Variants in PTPRM observed in about 807,000 individuals in gnomAD.
PTPRM encodes the protein receptor-type tyrosine-protein phosphatase mu.
PTPRM carries 47 observed loss-of-function variants against 186.7 expected under a neutral mutation model. The ratio of observed to expected loss-of-function variants is 0.25; its 90% confidence interval spans 0.20 to 0.32. The LOEUF (loss-of-function observed/expected upper bound fraction) is 0.32. PTPRM is among the 10% of genes least tolerant of loss of function. The pLI is 1.00. For missense variants in PTPRM, 1,494 were observed against 1,865.0 expected, an observed-to-expected ratio of 0.80 and a Z score of 3.66; for synonymous variants, 668 against 674.9, an observed-to-expected ratio of 0.99 and a Z score of 0.16.
At chr18:7,754,394 A>G (rs913372995) in intron 1 of PTPRM, among the ~76,000 whole-genome samples, 1 of 152,220 alleles carries the variant, frequency 6.6e-6, no homozygotes, top group Non-Finnish European at 1.5e-5. Context: ...TAAAACAAAT[A>G]TGGACACACA....
chr18:8,073,451 C>A (rs2089613559), intron 8 of PTPRM, among the ~76,000 whole-genome samples: 1 of 152,220 alleles, frequency 6.6e-6, no homozygotes, highest in Non-Finnish European at 1.5e-5. Flanking sequence ...TTATGATGAA[C>A]ATTTTAGTCT....
intron 7 of PTPRM, among the ~76,000 whole-genome samples, chr18:8,039,286 TATA>T (rs1456686809): frequency 6.6e-6 from 1 of 152,108 alleles, no homozygotes; most frequent in Non-Finnish European, 1.5e-5. Flanking sequence ...TCCTCAACAA[TATA>T]ATACTTGTTC....
chr18:8,213,171 G>A (rs1601258860), intron 14 of PTPRM, among the ~76,000 whole-genome samples: 1 of 152,194 alleles, frequency 6.6e-6, no homozygotes, highest in Non-Finnish European at 1.5e-5. Flanking sequence ...TGTTATAGAT[G>A]TTTAATCACA....
At chr18:7,790,905 GT>G (rs202165979) in intron 2 of PTPRM, among the ~76,000 whole-genome samples, 1 of 151,306 alleles carries the variant, frequency 6.6e-6, no homozygotes, top group African/African-American at 2.4e-5. Context: ...ATGAAAGTTG[GT>G]TTTAAAAAAA....
At chr18:8,052,859 C>G (rs1267036316) in intron 7 of PTPRM, among the ~76,000 whole-genome samples, 2 of 152,116 alleles carry the variant, frequency 1.3e-5, no homozygotes, top group African/African-American at 4.8e-5. Context: ...ACCAGACTTT[C>G]TAATTTTTGT....
At chr18:8,271,653 A>G (rs192764541) in intron 19 of PTPRM, among the ~76,000 whole-genome samples, 23 of 151,946 alleles carry the variant, frequency 1.5e-4, no homozygotes, top group Admixed American at 7.9e-4. Context: ...TTAGATTACT[A>G]ATTTTTTTCA....
intron 31 of PTPRM, among the ~76,000 whole-genome samples, chr18:8,391,958 A>G (rs948800193): frequency 2.0e-5 from 3 of 152,366 alleles, no homozygotes; most frequent in African/African-American, 7.2e-5. Context: ...AGAGTTAGAA[A>G]GCAGCATATT....
intron 14 of PTPRM, among the ~76,000 whole-genome samples, chr18:8,216,634 C>A (rs1027115425): frequency 6.6e-6 from 1 of 152,054 alleles, no homozygotes; most frequent in Non-Finnish European, 1.5e-5. Flanking sequence ...CATTTGGTTA[C>A]CCCTTTCAAA....
intron 1 of PTPRM, among the ~76,000 whole-genome samples, chr18:7,712,545 A>T (rs538967139): frequency 1.3e-5 from 2 of 152,224 alleles, no homozygotes; most frequent in East Asian, 2.0e-4. Flanking sequence ...AGTAGGCTTC[A>T]AAAGGTGGGT....
Position 7,949,309 on chromosome 18 carries a change from T to C in PTPRM, c.792T>C (p.Thr264=). ...DAGKYRCMIR[T]EGGVGISNYA... ...GAAAGTACCGCTGCATGATTCGCAC[T>C]GAAGGAGGTGTTGGAATATCAAACT... The change falls in exon 6 of 33, where the codon ACT becomes ACC. Residue 264 remains threonine, a synonymous_variant. Transcript: ENST00000580170. 1 of 1,614,174 alleles carries C rather than the reference T, an allele frequency of 6.2e-7. No homozygotes were observed. Among genetic ancestry groups the C allele is most frequent in the East Asian group, 2.2e-5 (1 of 44,880 alleles).
chr18:7,666,463 C>G (rs2039097728), intron 1 of PTPRM, among the ~76,000 whole-genome samples: 1 of 152,188 alleles, frequency 6.6e-6, no homozygotes, highest in Admixed American at 6.5e-5. Flanking sequence ...ACTGGGGCAC[C>G]CTTATGTCTT....
At chr18:8,247,676 A>G (rs943822445) in intron 15 of PTPRM, among the ~76,000 whole-genome samples, 169 bp from the exon 16 acceptor site, 1 of 152,184 alleles carries the variant, frequency 6.6e-6, no homozygotes, top group Admixed American at 6.5e-5. Context: ...CTAAAGGATA[A>G]GTAAGTACTC....
chr18:7,959,477 G>T (rs760907848), intron 7 of PTPRM, among the ~76,000 whole-genome samples: 1 of 152,150 alleles, frequency 6.6e-6, no homozygotes, highest in African/African-American at 2.4e-5. Flanking sequence ...TTAGCTTCTT[G>T]TATTAAAATG....
At chr18:7,751,655 T>C (rs2041221403) in intron 1 of PTPRM, 1 of 152,188 alleles carries the variant, frequency 6.6e-6, no homozygotes, top group Admixed American at 6.5e-5. Context: ...ATGTGTACAG[T>C]ATATACAGTT....
chr18:8,257,515 G>A (rs1017713218), intron 19 of PTPRM, among the ~76,000 whole-genome samples: 4 of 152,152 alleles, frequency 2.6e-5, no homozygotes, highest in Admixed American at 6.5e-5. Context: ...TGCTTAAAAG[G>A]TAATACCCCA....
At chr18:7,576,845 T>TA (rs2036700680) in intron 1 of PTPRM, among the ~76,000 whole-genome samples, 1 of 152,246 alleles carries the variant, frequency 6.6e-6, no homozygotes, top group Non-Finnish European at 1.5e-5. Flanking sequence ...CATCATGTAA[T>TA]AAGCACATGC....
intron 7 of PTPRM, among the ~76,000 whole-genome samples, chr18:8,013,162 A>G (rs2084644391): frequency 6.6e-6 from 1 of 152,234 alleles, no homozygotes; most frequent in Non-Finnish European, 1.5e-5. Flanking sequence ...TTCAAAAAGC[A>G]GTATGAAAAT....
intron 3 of PTPRM, 76 bp downstream of exon 3, chr18:7,888,453 A>G (rs1389126390): frequency 2.1e-6 from 3 of 1,435,742 alleles, no homozygotes; most frequent in African/African-American, 1.5e-5. Flanking sequence ...TTATATCATT[A>G]TAATCAGAAA....
chr18:7,692,437 C>T (rs972289702), intron 1 of PTPRM, among the ~76,000 whole-genome samples: 1 of 152,156 alleles, frequency 6.6e-6, no homozygotes, highest in Non-Finnish European at 1.5e-5. Context: ...AGCCAAGTCA[C>T]AGCACTGCTC....
Sources: allele counts gnomAD v4.1 joint callset (sites outside exome capture counted in the v4.1 genomes callset), GRCh38; gene constraint gnomAD v4.1.1; transcripts MANE v1.5; gene names NCBI Gene and HGNC (gene_info 2026-07-23, HGNC 2026-07-21).